Variants in ZFHX4 observed in about 807,000 individuals in gnomAD.
The protein encoded by ZFHX4 is zinc finger homeobox 4.
A neutral mutation model predicts 267.6 loss-of-function variants in ZFHX4; 56 were observed. That is an observed-to-expected ratio of 0.21 (90% CI 0.17 to 0.26). The LOEUF (loss-of-function observed/expected upper bound fraction) is 0.26. ZFHX4 is among the 10% of genes least tolerant of loss of function. ZFHX4 has a pLI of 1.00. For missense variants in ZFHX4, 4,332 were observed against 4,420.0 expected (o/e 0.98, Z 0.56); for synonymous variants, 1,778 against 1,665.6 (o/e 1.07, Z -1.64).
intron 3 of ZFHX4, among the ~76,000 whole-genome samples, chr8:76,708,505 C>A (rs1420581374): frequency 6.6e-6 from 1 of 151,966 alleles, no homozygotes; most frequent in Non-Finnish European, 1.5e-5. Context: ...ATGTTTGTTT[C>A]TTTGTTTTCT....
In ZFHX4 at chr8:76,863,397, T is replaced by C. The variant is rs942237487; in HGVS notation, c.9683T>C (p.Val3228Ala). 1.2e-6 allele frequency: 2 copies of C among 1,613,778 alleles called. No individual in the cohort carries two copies. The highest frequency in any genetic ancestry group is 1.7e-6 in the Non-Finnish European group (2 of 1,179,864). Residue 3228 changes from valine to alanine, a missense_variant, in exon 11 of 11, where the codon GTG becomes GCG. Physicochemically the swap from Val to Ala is moderately conservative, Grantham distance 64. This residue lies in a region of ZFHX4 where 1,648 missense variants were observed against 1,625.0 expected (regional missense o/e 1.01). Coordinates refer to ENST00000651372, the MANE Select transcript of ZFHX4 (RefSeq NM_024721.5). ...KEEKISSALS[V>A]LGKVVGETHV... ...GAAAAAATCTCATCTGCTCTTTCAG[T>C]GTTGGGCAAAGTTGTAGGTGAAACA...
intron 4 of ZFHX4, among the ~76,000 whole-genome samples, chr8:76,783,650 A>G (rs1191673681): frequency 2.0e-5 from 3 of 152,048 alleles, no homozygotes; most frequent in East Asian, 3.9e-4. Flanking sequence ...TAAAACTGAC[A>G]TATTTCAAAA....
intron 4 of ZFHX4, 58 bp from the exon 5 acceptor site, chr8:76,833,280 A>G: frequency 2.7e-6 from 4 of 1,483,544 alleles, no homozygotes. Flanking sequence ...AATATTAGCC[A>G]TGATGAGAGA....
intron 4 of ZFHX4, among the ~76,000 whole-genome samples, chr8:76,808,509 C>T (rs529134903): frequency 2.0e-5 from 3 of 152,242 alleles, no homozygotes; most frequent in Middle Eastern, 3.4e-3. Flanking sequence ...CGAATCCCAG[C>T]GCAAATGACT....
chr8:76,753,573 G>A (rs532667351), intron 3 of ZFHX4, among the ~76,000 whole-genome samples: 2 of 150,678 alleles, frequency 1.3e-5, no homozygotes, highest in African/African-American at 4.9e-5. Flanking sequence ...TTTCTCTGTA[G>A]GTCTCTGATT....
chr8:76,691,620 A>G (rs931042428), intron 1 of ZFHX4, among the ~76,000 whole-genome samples: 7 of 152,126 alleles, frequency 4.6e-5, no homozygotes, highest in Admixed American at 4.6e-4. Context: ...TGGCAACCCA[A>G]TGCTTAATAG....
intron 4 of ZFHX4, among the ~76,000 whole-genome samples, chr8:76,819,567 A>C (rs1811592236): frequency 6.6e-6 from 1 of 152,138 alleles, no homozygotes; most frequent in Non-Finnish European, 1.5e-5. Context: ...TGGGAGAACA[A>C]TGGGCAGAAG....
At chr8:76,784,969 C>G (rs1199978140) in intron 4 of ZFHX4, among the ~76,000 whole-genome samples, 2 of 151,962 alleles carry the variant, frequency 1.3e-5, no homozygotes, top group Non-Finnish European at 2.9e-5. Context: ...CAATCCACAG[C>G]TAATATTAAT....
At chr8:76,822,838 G>A (rs553634460) in intron 4 of ZFHX4, among the ~76,000 whole-genome samples, 6 of 151,888 alleles carry the variant, frequency 4.0e-5, no homozygotes, top group East Asian at 1.9e-4. Context: ...TTCATCGTCC[G>A]TACTCTATAT....
rs117540586 is a variant in ZFHX4 at position 76,716,192 on chromosome 8, C to T, written c.3093+8144C>T. On this transcript the variant is annotated intron_variant, in intron 3 of 10. Transcript: ENST00000651372. ...AGGCCTCATTTATCGATAGAGTTGG[C>T]AATTTACTATCTATATAAAATTTAT... 2.0e-3 allele frequency among the ~76,000 whole-genome samples: 309 copies of T among 151,976 alleles called. 5 individuals are homozygous for T. The East Asian group carries it at 0.037, about 18-fold the overall frequency.
intron 5 of ZFHX4, among the ~76,000 whole-genome samples, chr8:76,840,617 C>T (rs567896272): frequency 6.0e-4 from 92 of 152,206 alleles, no homozygotes; most frequent in African/African-American, 2.2e-3. Context: ...GTTGCCATAG[C>T]CCTTACAATT....
chr8:76,845,597 A>G (rs1315040601), intron 6 of ZFHX4, among the ~76,000 whole-genome samples: 1 of 151,956 alleles, frequency 6.6e-6, no homozygotes, highest in South Asian at 2.1e-4. Flanking sequence ...AAATACATTG[A>G]CTCATTAATA....
intron 3 of ZFHX4, among the ~76,000 whole-genome samples, chr8:76,772,164 A>G (rs917894373): frequency 4.6e-5 from 7 of 152,152 alleles, no homozygotes; most frequent in Non-Finnish European, 7.4e-5. Flanking sequence ...CATTTAGAAC[A>G]GTGCCTAGTA....
intron 3 of ZFHX4, among the ~76,000 whole-genome samples, chr8:76,740,391 C>T (rs1040485097): frequency 2.0e-5 from 3 of 151,582 alleles, no homozygotes; most frequent in Admixed American, 6.6e-5. Flanking sequence ...AAATGGGTTC[C>T]GCATACACTG....
intron 4 of ZFHX4, among the ~76,000 whole-genome samples, chr8:76,818,302 CAG>C (rs1344289348): frequency 6.6e-6 from 1 of 151,990 alleles, no homozygotes; most frequent in Non-Finnish European, 1.5e-5. Context: ...GATGCAGACT[CAG>C]AGATGAAAGA....
At chr8:76,761,051 G>T (rs1026212202) in intron 3 of ZFHX4, among the ~76,000 whole-genome samples, 37 of 152,006 alleles carry the variant, frequency 2.4e-4, no homozygotes, top group African/African-American at 8.9e-4. Flanking sequence ...TAATGTGTGA[G>T]AGTCCATCAC....
chr8:76,717,845 C>G (rs112975770), intron 3 of ZFHX4, among the ~76,000 whole-genome samples: 6,915 of 152,280 alleles, frequency 0.045, 513 homozygotes, highest in African/African-American at 0.15. Context: ...GACCCGCCCC[C>G]CTCAGCCTCC....
Position 76,707,840 on chromosome 8 carries a change from G to T in ZFHX4, c.2885G>T (p.Cys962Phe). The part of the protein sequence containing the change: ...TQLKANFQLH[C>F]KTDKHMQKYQ... ...CTCAAAGCCAACTTCCAGCTACACTGCAAGACTGATAAACATATGCAGAAA... is the reference window on the plus strand; with the variant it reads ...CTCAAAGCCAACTTCCAGCTACACTTCAAGACTGATAAACATATGCAGAAA... Residue 962 changes from cysteine (C) to phenylalanine (F), a missense_variant, in exon 3 of 11, where the codon TGC becomes TTC. By Grantham distance (205) the Cys-to-Phe change is radical. Coordinates refer to ENST00000651372, the MANE Select transcript of ZFHX4 (RefSeq NM_024721.5). The T allele has an allele frequency of 1.2e-6, 2 of 1,614,100 alleles. No homozygotes were observed. The highest frequency in any genetic ancestry group is 1.7e-6 in the Non-Finnish European group (2 of 1,180,000).
intron 4 of ZFHX4, among the ~76,000 whole-genome samples, chr8:76,784,900 C>T (rs1216507915): frequency 6.6e-6 from 1 of 152,020 alleles, no homozygotes; most frequent in Non-Finnish European, 1.5e-5. Context: ...CTATGCATTA[C>T]TTGATCAGTT....
Sources: allele counts gnomAD v4.1 joint callset (sites outside exome capture counted in the v4.1 genomes callset), GRCh38; gene constraint gnomAD v4.1.1; regional missense constraint gnomAD v4.1.1; transcripts MANE v1.5; gene names NCBI Gene and HGNC (gene_info 2026-07-23, HGNC 2026-07-21).